Variants in LRRC37A2 observed in about 807,000 individuals in gnomAD.
LRRC37A2 encodes the protein leucine rich repeat containing 37 member A2, also known as leucine-rich repeat-containing protein 37A2.
A neutral mutation model predicts 68.8 loss-of-function variants in LRRC37A2; 9 were observed. That is an observed-to-expected ratio of 0.13 (90% CI 0.08 to 0.23). The LOEUF is 0.23. LRRC37A2 is among the 10% of genes least tolerant of loss of function. LRRC37A2 has a pLI of 1.00. For missense variants in LRRC37A2, 168 were observed against 950.4 expected (o/e 0.18, Z 10.82); for synonymous variants, 63 against 367.6 (o/e 0.17, Z 9.48).
chr17:46,635,780 T>TGTGTGTGTGTGTGTGTGTG, the LRRC37A2 span, among the ~76,000 whole-genome samples: 1 of 121,678 alleles, frequency 8.2e-6, no homozygotes, highest in African/African-American at 3.9e-5. Context: ...AAAATAAATG[T>TGTGTGTGTGTGTGTGTGTG]GTGTGTGTGT....
chr17:46,739,912 C>T, the LRRC37A2 span, among the ~76,000 whole-genome samples: 2 of 152,098 alleles, frequency 1.3e-5, no homozygotes, highest in African/African-American at 4.8e-5. Context: ...ATTGGCCAGA[C>T]TGGTCTCAAA....
chr17:46,840,007 CTTTCTTTCTTTCTTTCTTTCTTTCT>C, the LRRC37A2 span, among the ~76,000 whole-genome samples: 1 of 50,254 alleles, frequency 2.0e-5, no homozygotes, highest in Admixed American at 2.8e-4. Flanking sequence ...TTTCTTCTTT[CTTTCTTTCTTTCTTTCTTTCTTTCT>C]TTTCTTTCTT....
chr17:47,014,042 C>A, the LRRC37A2 span, among the ~76,000 whole-genome samples: 2 of 147,766 alleles, frequency 1.4e-5, no homozygotes, highest in East Asian at 2.1e-4. Flanking sequence ...GCAGTGAGCC[C>A]AGATCATGCC....
intron 8 of LRRC37A2, among the ~76,000 whole-genome samples, chr17:46,541,596 G>T (rs978025482): frequency 6.6e-5 from 10 of 150,888 alleles, no homozygotes; most frequent in African/African-American, 2.5e-4. Context: ...CATCCATGTT[G>T]TTGCACCTAT....
At chr17:46,679,430 G>T in the LRRC37A2 span, among the ~76,000 whole-genome samples, 4 of 133,322 alleles carry the variant, frequency 3.0e-5, no homozygotes, top group Non-Finnish European at 4.7e-5. Context: ...AAACGTTTGG[G>T]AAGTAGATTA....
At chr17:46,635,422 TATA>T in the LRRC37A2 span, among the ~76,000 whole-genome samples, 1 of 97,208 alleles carries the variant, frequency 1.0e-5, no homozygotes, top group South Asian at 3.2e-4. Context: ...GCTTTCAACT[TATA>T]ATATCTATTC....
At chr17:46,853,362 A>ATT in the LRRC37A2 span, among the ~76,000 whole-genome samples, 6 of 84,446 alleles carry the variant, frequency 7.1e-5, no homozygotes, top group African/African-American at 2.6e-4. Context: ...AATGCTAGTG[A>ATT]CTTTTTTTTT....
the LRRC37A2 span, among the ~76,000 whole-genome samples, chr17:46,854,433 A>G: frequency 6.6e-6 from 1 of 152,196 alleles, no homozygotes; most frequent in African/African-American, 2.4e-5. Flanking sequence ...GCTCTTTGAA[A>G]TCATAGAATC....
the LRRC37A2 span, among the ~76,000 whole-genome samples, chr17:46,781,232 C>A: frequency 3.5e-5 from 5 of 143,930 alleles, no homozygotes; most frequent in Non-Finnish European, 3.0e-5. Flanking sequence ...TCCCCCCAAC[C>A]AAAAAAAAAA....
At chr17:46,971,074 G>A in the LRRC37A2 span, among the ~76,000 whole-genome samples, 9 of 152,130 alleles carry the variant, frequency 5.9e-5, no homozygotes, top group African/African-American at 1.7e-4. Flanking sequence ...AACATAGGCC[G>A]GTGCGGTGGC....
chr17:46,969,664 G>C, the LRRC37A2 span, among the ~76,000 whole-genome samples: 1 of 152,250 alleles, frequency 6.6e-6, no homozygotes, highest in Non-Finnish European at 1.5e-5. Context: ...AGTGTGCTTG[G>C]TGGATAAATG....
At chr17:46,943,556 T>C in the LRRC37A2 span, among the ~76,000 whole-genome samples, 1 of 152,212 alleles carries the variant, frequency 6.6e-6, no homozygotes, top group Non-Finnish European at 1.5e-5. Context: ...ACTGCACGCT[T>C]CCTGCGGAAT....
At chr17:46,960,908 T>G in the LRRC37A2 span, among the ~76,000 whole-genome samples, 2 of 152,200 alleles carry the variant, frequency 1.3e-5, no homozygotes, top group Admixed American at 6.5e-5. Context: ...TCGATTGTGT[T>G]CATGATGACA....
chr17:46,975,892 A>AAAGG, the LRRC37A2 span, among the ~76,000 whole-genome samples: 109,993 of 151,368 alleles, frequency 0.73, 40,822 homozygotes, highest in Non-Finnish European at 0.8. Flanking sequence ...GAAGAAAGAT[A>AAAGG]AAGGAAGGAA....
At chr17:46,847,991 TGTGTGC>T in the LRRC37A2 span, among the ~76,000 whole-genome samples, 4 of 142,520 alleles carry the variant, frequency 2.8e-5, no homozygotes, top group African/African-American at 1.0e-4. Flanking sequence ...TGTGTGTGTG[TGTGTGC>T]ACGTGCATGT....
the LRRC37A2 span, among the ~76,000 whole-genome samples, chr17:46,816,251 C>T: frequency 6.6e-6 from 1 of 152,058 alleles, no homozygotes; most frequent in Non-Finnish European, 1.5e-5. Flanking sequence ...TTCTAGACTT[C>T]TCTCTGTCTC....
At chr17:46,735,297 C>T in the LRRC37A2 span, among the ~76,000 whole-genome samples, 6 of 152,028 alleles carry the variant, frequency 3.9e-5, no homozygotes, top group African/African-American at 1.4e-4. Context: ...AATATTTTTT[C>T]ATTGCTAGAA....
the LRRC37A2 span, among the ~76,000 whole-genome samples, chr17:46,870,061 T>C: frequency 6.6e-6 from 1 of 152,320 alleles, no homozygotes; most frequent in South Asian, 2.1e-4. Context: ...AATGATATAA[T>C]AATCATAGCT....
the LRRC37A2 span, among the ~76,000 whole-genome samples, chr17:46,988,422 AAAT>A: frequency 6.6e-5 from 10 of 152,366 alleles, no homozygotes; most frequent in South Asian, 8.3e-4. Flanking sequence ...GTGAATGCAC[AAAT>A]TGCCAAAATT....
Sources: allele counts gnomAD v4.1 joint callset (sites outside exome capture counted in the v4.1 genomes callset), GRCh38; gene constraint gnomAD v4.1.1; transcripts MANE v1.5; gene names NCBI Gene and HGNC (gene_info 2026-07-23, HGNC 2026-07-21).